The following CUL4A variants were observed in gnomAD, a reference collection of about 807,000 sequenced individuals.
CUL4A encodes the protein cullin-4A.
Under a neutral mutation model 95.5 loss-of-function variants are expected in CUL4A, and 16 were observed. That is an observed-to-expected ratio of 0.17 (90% CI 0.11 to 0.25). The LOEUF is 0.25. Among genes scored for constraint, CUL4A ranks in the 10% least tolerant of loss-of-function variants. CUL4A has a pLI of 1.00. For synonymous variants in CUL4A, 380 were observed against 353.1 expected, an observed-to-expected ratio of 1.08 and a Z score of -0.85; for missense variants, 610 against 937.0, an observed-to-expected ratio of 0.65 and a Z score of 4.56.
At chr13:113,208,800 G>A, upstream of CUL4A, 1 of 1,415,014 alleles carries the variant, frequency 7.1e-7, no homozygotes, top group Non-Finnish European at 9.2e-7. Context: ...GACGCGCTCG[G>A]GCTGAGGGGG....
intron 3 of CUL4A, among the ~76,000 whole-genome samples, chr13:113,226,217 T>C (rs1325840073): frequency 6.6e-6 from 1 of 152,210 alleles, no homozygotes; most frequent in Non-Finnish European, 1.5e-5. Flanking sequence ...TTTTTCCTCC[T>C]CTCTGTGTGT....
At chr13:113,235,227 G>A in intron 8 of CUL4A, 82 bp downstream of exon 8, 2 of 945,734 alleles carry the variant, frequency 2.1e-6, no homozygotes, top group South Asian at 2.8e-5. Context: ...AATAAAGGGT[G>A]TCTTTGTCAA....
intron 8 of CUL4A, 46 bp from the exon 9 acceptor site, chr13:113,236,774 CTCT>C: frequency 2.3e-6 from 3 of 1,277,504 alleles, no homozygotes; most frequent in Non-Finnish European, 3.4e-6. Context: ...GAGAACCAGT[CTCT>C]TCTTTAAACT....
chr13:113,223,640 G>T (rs2040987916), intron 3 of CUL4A, among the ~76,000 whole-genome samples: 1 of 152,158 alleles, frequency 6.6e-6, no homozygotes, highest in Non-Finnish European at 1.5e-5. Context: ...TGGATTATCT[G>T]CCTGCTTCGA....
At chr13:113,224,196 C>T (rs564405288) in intron 3 of CUL4A, among the ~76,000 whole-genome samples, 6 of 152,186 alleles carry the variant, frequency 3.9e-5, no homozygotes, top group Non-Finnish European at 5.9e-5. Flanking sequence ...ACTGAAAATA[C>T]AAAAAAATTA....
chr13:113,260,203 CAAA>C lies in CUL4A; in HGVS notation c.2032-390_2032-388del, dbSNP rs71101559. On this transcript the variant is annotated intron_variant, in intron 18 of 19. Transcript: ENST00000375440. The stretch of plus-strand genomic sequence containing the variant: ...TGGGTGACAGAGTGAGACTCCGTCT[CAAA>C]AAAAAAAAAAAAACCATTTCCCATC... Among the ~76,000 whole-genome samples the C allele has an allele frequency of 7.2e-4, 9 of 12,526 alleles. 2 individuals are homozygous for C. Among genetic ancestry groups the C allele is most frequent in the East Asian group, 0.014 (2 of 146 alleles). The allele number at this position is 12,526 out of a possible 152,430, so 8.2% of individuals were successfully genotyped here. A position where few individuals can be genotyped will look rare whatever the true frequency, so the allele number is the denominator to read the frequency against.
upstream of CUL4A, among the ~76,000 whole-genome samples, chr13:113,209,127 C>A: frequency 6.6e-6 from 1 of 150,652 alleles, no homozygotes; most frequent in Non-Finnish European, 1.5e-5. Context: ...GGAGTTAGGG[C>A]ACGTCCCGGC....
intron 3 of CUL4A, among the ~76,000 whole-genome samples, chr13:113,221,281 TCA>T (rs1263914544): frequency 6.6e-6 from 1 of 152,226 alleles, no homozygotes; most frequent in East Asian, 1.9e-4. Context: ...CCCAGAGTCC[TCA>T]CAGGTTTTTT....
chr13:113,208,651 G>T (rs772849316), upstream of CUL4A: 31 of 1,604,644 alleles, frequency 1.9e-5, no homozygotes, highest in South Asian at 3.4e-4. Context: ...GCCGCCGAAC[G>T]GAGAGCGCCA....
intron 10 of CUL4A, among the ~76,000 whole-genome samples, chr13:113,240,697 C>CCAGGGTGTAGGGATGGGG (rs2041682815): frequency 6.6e-6 from 1 of 152,044 alleles, no homozygotes; most frequent in Non-Finnish European, 1.5e-5. Flanking sequence ...TGAAAAGTTA[C>CCAGGGTGTAGGGATGGGG]CAGGGTGTAG....
At chr13:113,218,263 TA>T (rs564893657) in intron 2 of CUL4A, among the ~76,000 whole-genome samples, 49 of 152,262 alleles carry the variant, frequency 3.2e-4, no homozygotes, top group African/African-American at 1.2e-3. Flanking sequence ...CTTCTTGTAT[TA>T]GGGGTGTTCA....
intron 8 of CUL4A, 44 bp downstream of exon 8, chr13:113,235,189 C>G (rs546402284): frequency 7.6e-7 from 1 of 1,320,262 alleles, no homozygotes; most frequent in African/African-American, 1.4e-5. Context: ...TTCACCATGG[C>G]TGGAAGGTTC....
At chr13:113,214,539 G>A (rs1464766864) in intron 2 of CUL4A, among the ~76,000 whole-genome samples, 1 of 152,082 alleles carries the variant, frequency 6.6e-6, no homozygotes, top group African/African-American at 2.4e-5. Context: ...GAGAGAGAGA[G>A]GTGTGGCCTC....
intron 2 of CUL4A, among the ~76,000 whole-genome samples, chr13:113,215,611 G>C (rs1292302363): frequency 6.7e-6 from 1 of 150,236 alleles, no homozygotes; most frequent in Non-Finnish European, 1.5e-5. Flanking sequence ...CACGTCCCGT[G>C]TGGCTGTGGA....
At chr13:113,213,055 A>G (rs77719050) in intron 2 of CUL4A, among the ~76,000 whole-genome samples, 3,793 of 152,186 alleles carry the variant, frequency 0.025, 164 homozygotes, top group African/African-American at 0.086. Context: ...TTGACGGTAT[A>G]TAGAATCTAC....
chr13:113,208,378 AC>A, upstream of CUL4A: 2 of 1,434,966 alleles, frequency 1.4e-6, no homozygotes, highest in Non-Finnish European at 1.8e-6. Flanking sequence ...ATCCACGGAC[AC>A]CGCCCGGCCC....
At chr13:113,238,230 A>G (rs1420096066) in intron 9 of CUL4A, among the ~76,000 whole-genome samples, 1 of 152,158 alleles carries the variant, frequency 6.6e-6, no homozygotes, top group Non-Finnish European at 1.5e-5. Context: ...ACTTGAGCCC[A>G]AGAATTCACG....
Position 113,263,613 on chromosome 13 carries a change from C to T in CUL4A, c.*31C>T. On this transcript the variant is annotated 3_prime_UTR_variant, in exon 20 of 20. Coordinates refer to ENST00000375440, the MANE Select transcript of CUL4A (RefSeq NM_001008895.4). ...CTGCAGACGGTTCCCCTTCATGAAA[C>T]ACTAGAATGTACCCTCAGAGCAGGA... 1 of 1,355,262 alleles carries T rather than the reference C, an allele frequency of 7.4e-7. No individual in the cohort carries two copies. Among genetic ancestry groups the T allele is most frequent in the South Asian group, 1.3e-5 (1 of 79,420 alleles). 84.0% of individuals were successfully genotyped at this position (1,355,262 alleles called of 1,614,324 possible).
chr13:113,225,036 TC>T (rs1415656868), intron 3 of CUL4A, among the ~76,000 whole-genome samples: 1 of 152,180 alleles, frequency 6.6e-6, no homozygotes, highest in Admixed American at 6.5e-5. Flanking sequence ...TTTTGCTTTT[TC>T]TTTTTTTTTT....
Sources: allele counts gnomAD v4.1 joint callset (sites outside exome capture counted in the v4.1 genomes callset), GRCh38; gene constraint gnomAD v4.1.1; transcripts MANE v1.5; gene names NCBI Gene and HGNC (gene_info 2026-07-23, HGNC 2026-07-21).